Variants in CCDC171 observed in about 807,000 individuals in gnomAD.
CCDC171 encodes coiled-coil domain-containing protein 171.
In CCDC171, 177 loss-of-function variants were observed where a neutral mutation model predicts 168.2. The ratio of observed to expected loss-of-function variants is 1.05; its 90% CI spans 0.93 to 1.19. The LOEUF (loss-of-function observed/expected upper bound fraction) is 1.19, where lower values mean the gene tolerates loss of function less well. Among genes scored for constraint, CCDC171 ranks in the 50% most tolerant of loss-of-function variants. CCDC171 has a pLI of 0.00. For synonymous variants in CCDC171, 687 were observed against 540.8 expected, an observed-to-expected ratio of 1.27 and a Z score of -3.75; for missense variants, 1,991 against 1,539.0, an observed-to-expected ratio of 1.29 and a Z score of -4.91.
At chr9:15,726,850 C>G (rs945803694) in intron 14 of CCDC171, among the ~76,000 whole-genome samples, 1 of 151,942 alleles carries the variant, frequency 6.6e-6, no homozygotes, top group African/African-American at 2.4e-5. Flanking sequence ...CTTATTTTAT[C>G]TAGATAAAAT....
At chr9:15,607,136 C>T (rs985173485) in intron 6 of CCDC171, among the ~76,000 whole-genome samples, 10 of 151,992 alleles carry the variant, frequency 6.6e-5, no homozygotes, top group Non-Finnish European at 1.2e-4. Flanking sequence ...GAACATACAA[C>T]CCCCCCAGGG....
intron 21 of CCDC171, among the ~76,000 whole-genome samples, chr9:15,821,872 C>T (rs1255750826): frequency 1.9e-5 from 1 of 51,596 alleles, no homozygotes; most frequent in Non-Finnish European, 4.8e-5. Flanking sequence ...GCCCGCATCG[C>T]CAAGTCAATC....
the CCDC171 span, among the ~76,000 whole-genome samples, chr9:16,071,699 T>C: frequency 6.6e-6 from 1 of 152,196 alleles, no homozygotes; most frequent in Non-Finnish European, 1.5e-5. Context: ...AAGTTAGAGT[T>C]GTCTTTTATT....
chr9:16,107,931 C>T, the CCDC171 span, among the ~76,000 whole-genome samples: 1 of 152,150 alleles, frequency 6.6e-6, no homozygotes, highest in South Asian at 2.1e-4. Context: ...ATAATTTATA[C>T]ATAATGTAAC....
At chr9:15,586,548 T>C (rs76571976) in intron 4 of CCDC171, among the ~76,000 whole-genome samples, 14 of 152,220 alleles carry the variant, frequency 9.2e-5, no homozygotes, top group South Asian at 4.2e-4. Flanking sequence ...CCAGATACCA[T>C]TGGAATTATG....
At chr9:15,956,956 C>G (rs1446741862) in intron 25 of CCDC171, among the ~76,000 whole-genome samples, 2 of 150,756 alleles carry the variant, frequency 1.3e-5, no homozygotes, top group African/African-American at 2.4e-5. Flanking sequence ...TTTTGGTAGT[C>G]TAAAAATCAA....
intron 18 of CCDC171, chr9:15,776,380 G>A (rs1454334698): frequency 6.6e-6 from 1 of 152,112 alleles, no homozygotes. Context: ...CTGTCACAGA[G>A]TATGTTTATA....
chr9:16,099,894 C>T, the CCDC171 span, among the ~76,000 whole-genome samples: 1 of 152,126 alleles, frequency 6.6e-6, no homozygotes. Context: ...ATTATAAAGA[C>T]ATCCACCCAC....
chr9:15,599,049 T>C (rs1444669260), intron 6 of CCDC171, among the ~76,000 whole-genome samples: 2 of 152,180 alleles, frequency 1.3e-5, no homozygotes, highest in Non-Finnish European at 2.9e-5. Context: ...TGTCTCTGCA[T>C]GTGAGATGGG....
At chr9:15,592,939 T>C (rs1027549434) in intron 5 of CCDC171, among the ~76,000 whole-genome samples, 78 of 152,060 alleles carry the variant, frequency 5.1e-4, no homozygotes, top group Non-Finnish European at 7.3e-4. Context: ...TAGTTACATA[T>C]GTATACATGT....
chr9:15,977,511 G>A (rs965618309), downstream of CCDC171, among the ~76,000 whole-genome samples: 2 of 152,108 alleles, frequency 1.3e-5, no homozygotes, highest in Non-Finnish European at 2.9e-5. Context: ...TTTTTAAAGC[G>A]CTGACCTTAA....
chr9:15,829,555 T>C (rs1487160953), intron 21 of CCDC171, among the ~76,000 whole-genome samples: 1 of 152,204 alleles, frequency 6.6e-6, no homozygotes, highest in Non-Finnish European at 1.5e-5. Context: ...CTGATTCCCA[T>C]GTGTTTTCCC....
At chr9:15,617,135 A>T (rs1035933030) in intron 6 of CCDC171, among the ~76,000 whole-genome samples, 6 of 152,194 alleles carry the variant, frequency 3.9e-5, no homozygotes, top group Non-Finnish European at 5.9e-5. Context: ...GTGTTAGAAC[A>T]TGCTCCTTTA....
At chr9:15,873,695 A>G (rs1328148610) in intron 23 of CCDC171, among the ~76,000 whole-genome samples, 1 of 152,140 alleles carries the variant, frequency 6.6e-6, no homozygotes, top group Non-Finnish European at 1.5e-5. Flanking sequence ...TGGAAATTAA[A>G]AACCAAAATA....
At chr9:16,105,668 C>G in the CCDC171 span, among the ~76,000 whole-genome samples, 1 of 152,200 alleles carries the variant, frequency 6.6e-6, no homozygotes, top group Non-Finnish European at 1.5e-5. Flanking sequence ...AAAAGCAATA[C>G]TGACTGGTGA....
intron 4 of CCDC171, among the ~76,000 whole-genome samples, chr9:15,584,100 C>T (rs1272214416): frequency 3.3e-5 from 5 of 152,192 alleles, no homozygotes; most frequent in African/African-American, 9.6e-5. Flanking sequence ...AACTCCTGAC[C>T]TTGTGATCCA....
At chr9:16,010,518 C>T (rs569699849) in intron 3 of CCDC171, among the ~76,000 whole-genome samples, 15 of 152,168 alleles carry the variant, frequency 9.9e-5, no homozygotes, top group Non-Finnish European at 1.8e-4. Flanking sequence ...TCAGCCCTCT[C>T]GCTCCCCCTC....
rs537964707 is a variant in CCDC171, at chr9:15,628,865, C to T, written c.822+5452C>T. 3.4e-3 allele frequency among the ~76,000 whole-genome samples: 519 copies of T among 152,300 alleles called. 6 individuals carry two copies. Among genetic ancestry groups the T allele is most frequent in the African/African-American group, 0.012 (489 of 41,564 alleles). On this transcript the variant is annotated intron_variant, in intron 7 of 25. Coordinates refer to ENST00000380701, the MANE Select transcript of CCDC171 (RefSeq NM_173550.4). ...AGGAACGATCAGACAGCAGCATTAACGGTTCACGAAAATCCGCTGTTCTGC... is the reference window on the plus strand; with the variant it reads ...AGGAACGATCAGACAGCAGCATTAATGGTTCACGAAAATCCGCTGTTCTGC...
At chr9:15,596,488 T>C (rs928618807) in intron 6 of CCDC171, among the ~76,000 whole-genome samples, 4 of 152,204 alleles carry the variant, frequency 2.6e-5, no homozygotes, top group Non-Finnish European at 4.4e-5. Flanking sequence ...GGCTCTGTTC[T>C]GTTCCATTGG....
Sources: allele counts gnomAD v4.1 joint callset (sites outside exome capture counted in the v4.1 genomes callset), GRCh38; gene constraint gnomAD v4.1.1; transcripts MANE v1.5; gene names NCBI Gene and HGNC (gene_info 2026-07-23, HGNC 2026-07-21).